DTL: variants seen among roughly 807,000 people sequenced by gnomAD.
DTL encodes the protein denticleless protein homolog.
DTL carries 46 observed loss-of-function variants against 87.0 expected under a neutral mutation model. That is an observed-to-expected ratio of 0.53 (90% CI 0.42 to 0.68). The LOEUF (loss-of-function observed/expected upper bound fraction) is 0.68. DTL is among the 30% of genes least tolerant of loss of function. The pLI, the probability that DTL is intolerant of heterozygous loss-of-function variation, is 0.00. For synonymous variants in DTL, 308 were observed against 311.2 expected (o/e 0.99, Z 0.11); for missense variants, 737 against 869.4 (o/e 0.85, Z 1.91).
intron 1 of DTL, among the ~76,000 whole-genome samples, chr1:212,036,391 C>T (rs1174404714): frequency 6.6e-6 from 1 of 152,106 alleles, no homozygotes; most frequent in Admixed American, 6.5e-5. Context: ...TTAAGGAACT[C>T]AGTCAAGCAG....
rs969764708 is a variant in DTL at position 212,092,203 on chromosome 1, C to A, written c.1262-8049C>A. 3.9e-5 allele frequency among the ~76,000 whole-genome samples: 6 copies of A among 152,244 alleles called. No individual in the cohort carries two copies. The East Asian group carries it at 1.2e-3, about 29-fold the overall frequency. On this transcript the variant is annotated intron_variant, in intron 13 of 14. Transcript: ENST00000366991. ...GCTCCCACTTATAAGTGAGAACATA[C>A]GATGTTTGGTTCCATTCTTGAGCTA... is the stretch of plus-strand genomic sequence containing the variant.
chr1:212,074,128 G>A (rs1212636702), intron 11 of DTL, among the ~76,000 whole-genome samples: 2 of 151,532 alleles, frequency 1.3e-5, no homozygotes, highest in African/African-American at 4.8e-5. Context: ...GATCATTCTT[G>A]TTAAATTATT....
chr1:212,036,022 G>A, intron 1 of DTL, 80 bp downstream of exon 1: 2 of 1,411,114 alleles, frequency 1.4e-6, no homozygotes, highest in Non-Finnish European at 9.9e-7. Flanking sequence ...GACCAGGGCC[G>A]ACTCCAATTC....
chr1:212,089,295 A>G (rs767204931), intron 13 of DTL, among the ~76,000 whole-genome samples: 4 of 152,058 alleles, frequency 2.6e-5, no homozygotes, highest in Non-Finnish European at 5.9e-5. Flanking sequence ...GTGTAGGCCC[A>G]TATAATGGCA....
intron 5 of DTL, among the ~76,000 whole-genome samples, chr1:212,059,779 C>CAAAAAAAAAAAAAAAA (rs58890148): frequency 1.2e-5 from 1 of 80,224 alleles, no homozygotes; most frequent in Non-Finnish European, 2.5e-5. Flanking sequence ...AAAGACTCTA[C>CAAAAAAAAAAAAAAAA]AAAAAAAAAA....
intron 8 of DTL, 65 bp downstream of exon 8, chr1:212,066,950 C>A: frequency 7.6e-7 from 1 of 1,313,074 alleles, no homozygotes; most frequent in Non-Finnish European, 1.1e-6. Flanking sequence ...GAGGCAGTCA[C>A]ATAGTCTCAT....
chr1:212,102,886 C>T lies in DTL; in HGVS notation c.2139C>T (p.Phe713=). ...CCATGAGGAAAATCTGCACATACTT[C>T]CATAGAAAGTCCCAGGAGGACTTCT... ...PSSMRKICTY[F]HRKSQEDFCG... Residue 713 remains phenylalanine, a synonymous_variant, in exon 15 of 15, where the codon TTC becomes TTT. Transcript: ENST00000366991. 1.2e-6 allele frequency: 2 copies of T among 1,612,728 alleles called. No individual in the cohort carries two copies. Among genetic ancestry groups the T allele is most frequent in the South Asian group, 1.1e-5 (1 of 90,958 alleles).
At chr1:212,084,099 C>T (rs916544733) in intron 13 of DTL, among the ~76,000 whole-genome samples, 4 of 152,100 alleles carry the variant, frequency 2.6e-5, no homozygotes, top group Non-Finnish European at 1.5e-5. Flanking sequence ...AGATGCAGAA[C>T]TAGACTTCAG....
At chr1:212,084,879 A>T (rs1414667051) in intron 13 of DTL, among the ~76,000 whole-genome samples, 2 of 152,138 alleles carry the variant, frequency 1.3e-5, no homozygotes, top group African/African-American at 4.8e-5. Flanking sequence ...GGGGGATTGG[A>T]TCCAGGAACC....
chr1:212,055,687 A>G (rs1199087537), intron 5 of DTL, among the ~76,000 whole-genome samples: 1 of 152,172 alleles, frequency 6.6e-6, no homozygotes, highest in Non-Finnish European at 1.5e-5. Context: ...TCTGCATGTC[A>G]GTACTGCAGC....
At chr1:212,083,887 G>A (rs1341160753) in intron 13 of DTL, among the ~76,000 whole-genome samples, 1 of 152,078 alleles carries the variant, frequency 6.6e-6, no homozygotes, top group East Asian at 1.9e-4. Context: ...GACTCTTACT[G>A]GCCAACAATC....
At chr1:212,075,609 G>A (rs1255251505) in intron 11 of DTL, among the ~76,000 whole-genome samples, 1 of 152,028 alleles carries the variant, frequency 6.6e-6, no homozygotes, top group Non-Finnish European at 1.5e-5. Flanking sequence ...CTATACCCTA[G>A]GATAGTCCTA....
chr1:212,064,856 C>T, intron 6 of DTL, 61 bp from the exon 7 acceptor site: 1 of 1,334,888 alleles, frequency 7.5e-7, no homozygotes, highest in South Asian at 1.2e-5. Flanking sequence ...GTTTTATTTA[C>T]ACATGTTATA....
Position 212,035,815 on chromosome 1 carries a change from G to T in DTL, c.-76G>T, listed in dbSNP as rs879824749. 6.9e-6 allele frequency: 10 copies of T among 1,439,116 alleles called. No homozygotes were observed. In the Admixed American group the frequency reaches 1.7e-4, roughly 25 times the overall value. The allele number at this position is 1,439,116 out of a possible 1,614,324, so 89.1% of individuals were successfully genotyped here. On this transcript the variant is annotated 5_prime_UTR_variant, in exon 1 of 15. Transcript: ENST00000366991. ...GATAACGATTTGTGTTGTGAGAGGC[G>T]CAAGCTGCGATTTCTGCTGAACTTG...
chr1:212,068,350 G>A lies in DTL; in HGVS notation c.817+23G>A, dbSNP rs199865864. On this transcript the variant is annotated intron_variant, in intron 9 of 14. Coordinates refer to ENST00000366991, the MANE Select transcript of DTL (RefSeq NM_016448.4). ...TTGGTAAGCCTTTAATAGGTCTTTT[G>A]GGGGAGATAAGAGTTTTTGTTTAAA... is the stretch of plus-strand genomic sequence containing the variant. The A allele has an allele frequency of 2.2e-5, 32 of 1,447,448 alleles. No homozygotes were observed. In the East Asian group the frequency reaches 6.6e-4, roughly 30 times the overall value. 89.7% of individuals were successfully genotyped at this position (1,447,448 alleles called of 1,614,324 possible).
intron 11 of DTL, among the ~76,000 whole-genome samples, chr1:212,072,958 G>C (rs935786835): frequency 4.0e-5 from 6 of 151,774 alleles, no homozygotes; most frequent in African/African-American, 1.5e-4. Flanking sequence ...GTAGAGACGG[G>C]GTTTCACCAT....
chr1:212,046,580 T>G (rs1667813618), intron 3 of DTL, among the ~76,000 whole-genome samples: 2 of 152,208 alleles, frequency 1.3e-5, no homozygotes, highest in African/African-American at 4.8e-5. Flanking sequence ...CTGAGGATAA[T>G]GACTTCCAGC....
chr1:212,082,882 GT>G (rs1315114359), intron 13 of DTL, among the ~76,000 whole-genome samples: 1 of 152,182 alleles, frequency 6.6e-6, no homozygotes, highest in Non-Finnish European at 1.5e-5. Context: ...TTAATTGAAA[GT>G]GAGCACTCCA....
chr1:212,055,131 A>C (rs1470494822), intron 5 of DTL, among the ~76,000 whole-genome samples: 1 of 152,188 alleles, frequency 6.6e-6, no homozygotes, highest in Non-Finnish European at 1.5e-5. Context: ...GAACACTGGG[A>C]TTCAACAGAG....
Sources: allele counts gnomAD v4.1 joint callset (sites outside exome capture counted in the v4.1 genomes callset), GRCh38; gene constraint gnomAD v4.1.1; transcripts MANE v1.5; gene names NCBI Gene and HGNC (gene_info 2026-07-23, HGNC 2026-07-21).